Variants in MRTFB observed in about 807,000 individuals in gnomAD.
MRTFB encodes the protein myocardin related transcription factor B.
Under a neutral mutation model 104.2 loss-of-function variants are expected in MRTFB, and 29 were observed. The observed-to-expected ratio is 0.28, with a 90% CI of 0.21 to 0.38. MRTFB has a LOEUF of 0.38. Ranked by LOEUF, MRTFB falls within the 10% of genes least tolerant of loss-of-function variation. The probability of loss-of-function intolerance (pLI) is 1.00; values close to 1 mark genes in which losing one functional copy is unlikely to be tolerated. For missense variants in MRTFB, 1,270 were observed against 1,341.6 expected (o/e 0.95, Z 0.83); for synonymous variants, 535 against 519.5 (o/e 1.03, Z -0.41).
chr16:14,061,917 C>T, the MRTFB span, among the ~76,000 whole-genome samples: 6 of 152,144 alleles, frequency 3.9e-5, no homozygotes, highest in South Asian at 2.1e-4. Flanking sequence ...AAATTGCTCC[C>T]TTCCTCCCTG....
At chr16:14,200,719 T>A in intron 3 of MRTFB, 1 of 1,523,992 alleles carries the variant, frequency 6.6e-7, no homozygotes, top group Non-Finnish European at 9.1e-7. Context: ...TGTCAGAGGC[T>A]GAATCAGGAA....
intron 3 of MRTFB, chr16:14,186,704 C>T (rs927147187): frequency 1.4e-6 from 2 of 1,382,058 alleles, no homozygotes; most frequent in South Asian, 3.2e-5. Context: ...TAAGGGCTTC[C>T]AGCGGCATGA....
chr16:14,094,850 G>C (rs779554675), intron 2 of MRTFB, among the ~76,000 whole-genome samples: 1 of 152,232 alleles, frequency 6.6e-6, no homozygotes, highest in African/African-American at 2.4e-5. Flanking sequence ...ATTAATGAAT[G>C]TGGAGTCTTT....
chr16:14,162,941 G>A (rs565596734), intron 3 of MRTFB, among the ~76,000 whole-genome samples: 2 of 152,050 alleles, frequency 1.3e-5, no homozygotes, highest in Non-Finnish European at 2.9e-5. Context: ...AACACCATAG[G>A]TTTTTTTCCT....
chr16:14,186,589 G>A, intron 3 of MRTFB: 1 of 590,912 alleles, frequency 1.7e-6, no homozygotes, highest in South Asian at 2.6e-5. Flanking sequence ...GAAGTCCCCA[G>A]CGCGGGGGAA....
At chr16:14,040,297 A>G in the MRTFB span, among the ~76,000 whole-genome samples, 2 of 152,176 alleles carry the variant, frequency 1.3e-5, no homozygotes, top group East Asian at 3.9e-4. Context: ...ATAACTGACC[A>G]TCCTCTTACA....
chr16:14,148,927 A>G (rs989039737), intron 3 of MRTFB, among the ~76,000 whole-genome samples: 5 of 152,198 alleles, frequency 3.3e-5, no homozygotes, highest in Admixed American at 1.3e-4. Context: ...CAGCTAACCA[A>G]TGGACTTTTC....
At chr16:14,067,725 A>G (rs1272610241), upstream of MRTFB, among the ~76,000 whole-genome samples, 2 of 152,224 alleles carry the variant, frequency 1.3e-5, no homozygotes, top group African/African-American at 4.8e-5. Flanking sequence ...GAGAGCTGGT[A>G]TCCTTTCATG....
At chr16:14,141,465 G>A (rs971214667) in intron 3 of MRTFB, 3 of 152,104 alleles carry the variant, frequency 2.0e-5, no homozygotes, top group African/African-American at 4.8e-5. Context: ...CTCTAAGCAT[G>A]CACATTAAAA....
intron 3 of MRTFB, among the ~76,000 whole-genome samples, chr16:14,172,278 C>A (rs935169901): frequency 6.6e-6 from 1 of 152,124 alleles, no homozygotes; most frequent in Non-Finnish European, 1.5e-5. Context: ...TTCTCACACA[C>A]GAAATAACAT....
chr16:13,999,767 T>G, the MRTFB span, among the ~76,000 whole-genome samples: 3 of 152,196 alleles, frequency 2.0e-5, no homozygotes, highest in South Asian at 6.2e-4. Context: ...CCAGGCCTAT[T>G]GCTGGAGGTT....
chr16:14,263,260 C>G lies in MRTFB; in HGVS notation c.*1816C>G, dbSNP rs1466852679. ...ACGGGATACAATAACTCTCTGTTAA[C>G]CAGAACACCGTCATTTGACCAAGCC... On this transcript the variant is annotated 3_prime_UTR_variant, in exon 17 of 17. Coordinates refer to ENST00000571589, the MANE Select transcript of MRTFB (RefSeq NM_001308142.2). 6.6e-6 allele frequency: 1 copy of G among 152,236 alleles called. No homozygotes were observed. The highest frequency in any genetic ancestry group is 1.5e-5 in the Non-Finnish European group (1 of 68,060). 9.4% of individuals were successfully genotyped at this position (152,236 alleles called of 1,614,324 possible).
chr16:14,241,508 A>T (rs951481835), intron 10 of MRTFB: 2 of 152,240 alleles, frequency 1.3e-5, no homozygotes, highest in Non-Finnish European at 1.5e-5. Flanking sequence ...TTTTCATGAA[A>T]AAGAAATATT....
intron 16 of MRTFB, among the ~76,000 whole-genome samples, chr16:14,259,153 G>C (rs1267912123): frequency 3.9e-5 from 6 of 152,124 alleles, no homozygotes; most frequent in Non-Finnish European, 7.3e-5. Flanking sequence ...AACTTCAGCC[G>C]GCCAACCCCC....
chr16:14,060,051 G>C, the MRTFB span, among the ~76,000 whole-genome samples: 2 of 129,502 alleles, frequency 1.5e-5, no homozygotes, highest in Non-Finnish European at 3.0e-5. Context: ...CTGTCACCCA[G>C]GCTGAAGTGC....
intron 2 of MRTFB, among the ~76,000 whole-genome samples, chr16:14,117,143 A>G (rs1205231883): frequency 6.6e-6 from 1 of 152,224 alleles, no homozygotes; most frequent in Non-Finnish European, 1.5e-5. Flanking sequence ...GCCATCCCCC[A>G]AGGAATTATT....
At position 14,119,980 on chromosome 16, in the gene MRTFB, T is replaced by A. The variant is rs561745967; in HGVS notation, c.-63-20564T>A. 2.6e-5 allele frequency among the ~76,000 whole-genome samples: 4 copies of A among 152,354 alleles called. No individual in the cohort carries two copies. In the East Asian group the frequency reaches 7.7e-4, roughly 29 times the overall value. On this transcript the variant is annotated intron_variant, in intron 2 of 16. Coordinates refer to ENST00000571589, the MANE Select transcript of MRTFB (RefSeq NM_001308142.2). ...CTGTCTCAGAATTTCTGTTGCCTCA[T>A]ATTCTTGCCAAGACTTGGTACTGTC...
the MRTFB span, among the ~76,000 whole-genome samples, chr16:14,016,374 T>TA: frequency 6.6e-6 from 1 of 151,546 alleles, no homozygotes; most frequent in African/African-American, 2.4e-5. Flanking sequence ...TAAATATGAT[T>TA]TTTTTTAGGT....
intron 8 of MRTFB, among the ~76,000 whole-genome samples, chr16:14,222,335 A>G (rs1311867092): frequency 6.6e-6 from 1 of 152,208 alleles, no homozygotes; most frequent in East Asian, 1.9e-4. Context: ...CCTACAGCCC[A>G]CAGGCTGCAT....
Sources: gnomAD v4.1 joint callset for allele counts (sites outside exome capture counted in the v4.1 genomes callset) on GRCh38, gnomAD v4.1.1 for gene constraint, MANE v1.5 for transcripts, NCBI Gene and HGNC (gene_info 2026-07-23, HGNC 2026-07-21) for gene names.